Variants in FTCDNL1 observed in about 807,000 individuals in gnomAD.
FTCDNL1 encodes formiminotransferase cyclodeaminase N-terminal like, also known as formiminotransferase N-terminal subdomain-containing protein.
FTCDNL1 carries 11 observed loss-of-function variants against 5.9 expected under a neutral mutation model. That is an observed-to-expected ratio of 1.87 (90% CI 1.18 to 3.10). FTCDNL1 has a LOEUF of 3.10. FTCDNL1 is among the 30% of genes most tolerant of loss of function. The probability of loss-of-function intolerance (pLI) is 0.00; values close to 1 mark genes in which losing one functional copy is unlikely to be tolerated. For missense variants in FTCDNL1, 115 were observed against 65.5 expected (o/e 1.76, Z -2.61); for synonymous variants, 58 against 24.8 (o/e 2.34, Z -3.99).
the FTCDNL1 span, among the ~76,000 whole-genome samples, chr2:199,752,752 G>C: frequency 8.6e-6 from 1 of 116,096 alleles, no homozygotes; most frequent in African/African-American, 2.8e-5. Context: ...GTGTGTGTGT[G>C]TGTGTGTGTG....
chr2:199,770,296 C>T (rs1260285695), intron 3 of FTCDNL1, among the ~76,000 whole-genome samples: 3 of 152,118 alleles, frequency 2.0e-5, no homozygotes, highest in Non-Finnish European at 2.9e-5. Context: ...ACAGGTAAGT[C>T]GACTAAGAAG....
the FTCDNL1 span, among the ~76,000 whole-genome samples, chr2:199,676,578 T>C: frequency 6.6e-6 from 1 of 151,746 alleles, no homozygotes; most frequent in African/African-American, 2.4e-5. Flanking sequence ...TAATATATTA[T>C]ATATATAACA....
chr2:199,750,991 C>T, the FTCDNL1 span, among the ~76,000 whole-genome samples: 2 of 152,296 alleles, frequency 1.3e-5, no homozygotes, highest in South Asian at 2.1e-4. Flanking sequence ...TCCTTATCTT[C>T]GCAGCTCCTA....
chr2:199,733,122 G>A, the FTCDNL1 span, among the ~76,000 whole-genome samples: 1 of 152,182 alleles, frequency 6.6e-6, no homozygotes, highest in Non-Finnish European at 1.5e-5. Flanking sequence ...AGAAGGTGGT[G>A]TTTGCCATAA....
rs75177981 is a variant in FTCDNL1, at chr2:199,813,049, C to G, written c.398-325G>C. On this transcript the variant is annotated intron_variant, in intron 4 of 4. Transcript: ENST00000420128. ...CCAGATTGTTTAAGCAGAAAAAAAC[C>G]AAATGCACTTAATTAACATCTGATG... 7.7e-3 allele frequency among the ~76,000 whole-genome samples: 1,177 copies of G among 152,152 alleles called. 31 individuals are homozygous for G. The highest frequency in any genetic ancestry group is 0.052 in the Admixed American group (801 of 15,274).
At chr2:199,694,516 A>G in the FTCDNL1 span, among the ~76,000 whole-genome samples, 1 of 152,182 alleles carries the variant, frequency 6.6e-6, no homozygotes, top group East Asian at 1.9e-4. Flanking sequence ...AATGCTACAT[A>G]ATAAACCTGT....
chr2:199,783,079 G>A (rs1483245394), intron 3 of FTCDNL1, among the ~76,000 whole-genome samples: 3 of 152,160 alleles, frequency 2.0e-5, no homozygotes, highest in Non-Finnish European at 4.4e-5. Flanking sequence ...TGATGATAAT[G>A]GTGCCTGCTC....
chr2:199,736,091 T>A, the FTCDNL1 span, among the ~76,000 whole-genome samples: 1 of 152,220 alleles, frequency 6.6e-6, no homozygotes, highest in Non-Finnish European at 1.5e-5. Context: ...GGCATTTTCA[T>A]CAGCCCACCA....
At chr2:199,824,674 C>T (rs116506172) in intron 3 of FTCDNL1, among the ~76,000 whole-genome samples, 1,962 of 152,232 alleles carry the variant, frequency 0.013, 48 homozygotes, top group African/African-American at 0.045. Context: ...GGCCTAATTT[C>T]AATACTGTTG....
downstream of FTCDNL1, among the ~76,000 whole-genome samples, chr2:199,805,528 C>T (rs1700678063): frequency 1.3e-5 from 2 of 152,098 alleles, no homozygotes; most frequent in South Asian, 4.1e-4. Flanking sequence ...CACTTGAGGT[C>T]AGGAGTTCGA....
the FTCDNL1 span, among the ~76,000 whole-genome samples, chr2:199,675,384 C>A: frequency 6.6e-6 from 1 of 151,878 alleles, no homozygotes; most frequent in Admixed American, 6.6e-5. Flanking sequence ...TATTATGATG[C>A]AATATTCAAT....
chr2:199,777,704 C>G (rs1376653147), intron 3 of FTCDNL1, among the ~76,000 whole-genome samples: 1 of 152,070 alleles, frequency 6.6e-6, no homozygotes, highest in Non-Finnish European at 1.5e-5. Context: ...AAAAGGGTGA[C>G]TCTAAAGCAC....
At chr2:199,849,658 T>TACAAAAA (rs1171870108) in intron 1 of FTCDNL1, among the ~76,000 whole-genome samples, 1 of 152,240 alleles carries the variant, frequency 6.6e-6, no homozygotes, top group East Asian at 1.9e-4. Context: ...AAATTAATTA[T>TACAAAAA]ACAGGTTTTG....
intron 3 of FTCDNL1, among the ~76,000 whole-genome samples, chr2:199,785,134 GT>G (rs1699568404): frequency 6.6e-6 from 1 of 150,922 alleles, no homozygotes; most frequent in African/African-American, 2.4e-5. Flanking sequence ...TTTATTGACT[GT>G]TTGGTTAGAC....
rs13430030 is a variant in FTCDNL1, at chr2:199,776,943, C to G, written c.212-16108G>C. On this transcript the variant is annotated intron_variant, in intron 3 of 3. Coordinates refer to the FTCDNL1 transcript ENST00000416668. The stretch of plus-strand genomic sequence containing the variant: ...ATATATATATACACACACACACACA[C>G]AGAGATGTGTGTATATGTGTGTGTG... Among the ~76,000 whole-genome samples, 1,132 of 146,498 alleles carry G rather than the reference C, an allele frequency of 7.7e-3. 21 individuals carry two copies. The highest frequency in any genetic ancestry group is 0.027 in the African/African-American group (1,068 of 39,446).
At chr2:199,672,121 C>T in the FTCDNL1 span, among the ~76,000 whole-genome samples, 1 of 152,088 alleles carries the variant, frequency 6.6e-6, no homozygotes, top group Non-Finnish European at 1.5e-5. Flanking sequence ...CCAGTGTGTG[C>T]CAATCACCTG....
chr2:199,686,656 G>A, the FTCDNL1 span, among the ~76,000 whole-genome samples: 1 of 152,078 alleles, frequency 6.6e-6, no homozygotes, highest in African/African-American at 2.4e-5. Context: ...AAATAATATT[G>A]AAATAAAACT....
chr2:199,667,069 C>A, the FTCDNL1 span, among the ~76,000 whole-genome samples: 17 of 151,886 alleles, frequency 1.1e-4, no homozygotes, highest in Non-Finnish European at 1.8e-4. Context: ...GTGATTGCAA[C>A]CTAAGTGCCA....
chr2:199,753,660 C>T, the FTCDNL1 span, among the ~76,000 whole-genome samples: 1 of 152,206 alleles, frequency 6.6e-6, no homozygotes, highest in African/African-American at 2.4e-5. Flanking sequence ...AAAAGGGACA[C>T]CTGCACTTAC....
Sources: allele counts gnomAD v4.1 joint callset (sites outside exome capture counted in the v4.1 genomes callset), GRCh38; gene constraint gnomAD v4.1.1; transcripts MANE v1.5; gene names NCBI Gene and HGNC (gene_info 2026-07-23, HGNC 2026-07-21).